Variants in BTRC observed in about 807,000 individuals in gnomAD.
BTRC encodes the protein F-box/WD repeat-containing protein 1A.
BTRC carries 42 observed loss-of-function variants against 85.5 expected under a neutral mutation model. The ratio of observed to expected loss-of-function variants is 0.49; its 90% confidence interval spans 0.38 to 0.64. BTRC has a LOEUF of 0.64. Among genes scored for constraint, BTRC ranks in the 30% least tolerant of loss-of-function variants. The pLI, the probability that BTRC is intolerant of heterozygous loss-of-function variation, is 0.00. For synonymous variants in BTRC, 255 were observed against 263.3 expected (o/e 0.97, Z 0.30); for missense variants, 594 against 743.5 (o/e 0.80, Z 2.34).
chr10:101,442,128 A>T (rs7097973), intron 2 of BTRC, among the ~76,000 whole-genome samples: 44,976 of 152,022 alleles, frequency 0.3, 7,962 homozygotes, highest in Middle Eastern at 0.47. Context: ...GGCATATCAG[A>T]GTGGCACAGG....
At chr10:101,401,777 G>T (rs1231785806) in intron 1 of BTRC, among the ~76,000 whole-genome samples, 1 of 150,374 alleles carries the variant, frequency 6.7e-6, no homozygotes, top group East Asian at 1.9e-4. Context: ...GTTTGAGGCT[G>T]CAGTGAGCTA....
At chr10:101,504,649 C>T (rs772137132) in intron 4 of BTRC, among the ~76,000 whole-genome samples, 2 of 151,768 alleles carry the variant, frequency 1.3e-5, no homozygotes, top group Non-Finnish European at 2.9e-5. Context: ...CCTTGCGTTC[C>T]TCCTTCTGCT....
rs1213007916 is a variant in BTRC, at chr10:101,367,037, TATATAA to T, written c.48+12815_48+12820del. Among the ~76,000 whole-genome samples, 34 of 65,236 alleles carry T rather than the reference TATATAA, an allele frequency of 5.2e-4. 1 individual carries two copies. The highest frequency in any genetic ancestry group is 1.7e-3 in the African/African-American group (34 of 19,994). 42.8% of individuals were successfully genotyped at this position (65,236 alleles called of 152,430 possible). ...ATATATTTATATTTATATATTTATATATATAAATATATATATATATAAATATAAATA... is the reference window on the plus strand; with the variant it reads ...ATATATTTATATTTATATATTTATATATATATATATATATAAATATAAATA... On this transcript the variant is annotated intron_variant, in intron 1 of 14. Coordinates refer to ENST00000370187, the MANE Select transcript of BTRC (RefSeq NM_033637.4).
chr10:101,516,267 A>C (rs550215813), intron 4 of BTRC, among the ~76,000 whole-genome samples: 5 of 152,294 alleles, frequency 3.3e-5, no homozygotes, highest in Non-Finnish European at 7.4e-5. Context: ...TGTTCCTTAC[A>C]AAAACCCAAT....
chr10:101,550,989 T>G, intron 14 of BTRC, 98 bp downstream of exon 14: 3 of 1,139,434 alleles, frequency 2.6e-6, no homozygotes, highest in Non-Finnish European at 2.5e-6. Context: ...GCCGTTTGGG[T>G]CACCAACTCC....
intron 3 of BTRC, among the ~76,000 whole-genome samples, chr10:101,463,020 A>G (rs890336281): frequency 1.4e-5 from 2 of 144,574 alleles, no homozygotes; most frequent in Admixed American, 1.4e-4. Context: ...GGTGCCTGCC[A>G]CCATGCCTGG....
rs1943197668 is a variant in BTRC, at chr10:101,390,087, C to G, written c.48+35859C>G. 2.6e-5 allele frequency among the ~76,000 whole-genome samples: 4 copies of G among 152,100 alleles called. No homozygotes were observed. In the South Asian group the frequency reaches 8.3e-4, roughly 31 times the overall value. ...TTTCCTTATTTGTCTATTATTTCTA[C>G]TAGAAAAGAAAATAAAGCCCATGAT... On this transcript the variant is annotated intron_variant, in intron 1 of 14. Transcript: ENST00000370187.
chr10:101,381,902 T>C (rs1942938223), intron 1 of BTRC, among the ~76,000 whole-genome samples: 1 of 149,024 alleles, frequency 6.7e-6, no homozygotes. Context: ...TGATCACTGA[T>C]AACCTTTTAT....
intron 1 of BTRC, among the ~76,000 whole-genome samples, chr10:101,359,572 C>T (rs539617377): frequency 6.6e-5 from 10 of 151,572 alleles, no homozygotes; most frequent in South Asian, 2.1e-4. Flanking sequence ...GAATTACAGG[C>T]GTGTACCACC....
intron 13 of BTRC, among the ~76,000 whole-genome samples, chr10:101,538,775 C>T (rs1268501784): frequency 1.3e-5 from 2 of 152,066 alleles, no homozygotes; most frequent in African/African-American, 2.4e-5. Flanking sequence ...GGGCCGGGTG[C>T]GGTGGCTCAT....
intron 1 of BTRC, among the ~76,000 whole-genome samples, chr10:101,394,196 T>C (rs1943306725): frequency 1.3e-5 from 2 of 152,224 alleles, no homozygotes; most frequent in South Asian, 2.1e-4. Flanking sequence ...TGGTAATTAA[T>C]TTTTTATGAT....
At chr10:101,403,411 TA>T (rs1239284750) in intron 1 of BTRC, among the ~76,000 whole-genome samples, 1 of 152,224 alleles carries the variant, frequency 6.6e-6, no homozygotes, top group Admixed American at 6.5e-5. Flanking sequence ...AGTCATGGTG[TA>T]TATTCCTTTT....
At chr10:101,488,055 G>T (rs1295566682) in intron 4 of BTRC, among the ~76,000 whole-genome samples, 9 of 152,064 alleles carry the variant, frequency 5.9e-5, no homozygotes, top group Non-Finnish European at 1.0e-4. Flanking sequence ...CTTTGGCATT[G>T]TACTCTGGGT....
chr10:101,524,909 C>T (rs944776271), intron 5 of BTRC, among the ~76,000 whole-genome samples: 3 of 152,126 alleles, frequency 2.0e-5, no homozygotes, highest in African/African-American at 7.2e-5. Context: ...GACTGATATC[C>T]ATACAATCTT....
At chr10:101,466,345 G>A (rs1249598187) in intron 3 of BTRC, among the ~76,000 whole-genome samples, 1 of 152,176 alleles carries the variant, frequency 6.6e-6, no homozygotes, top group African/African-American at 2.4e-5. Context: ...AGGTTTTTCT[G>A]TATTCTTTCT....
intron 3 of BTRC, among the ~76,000 whole-genome samples, chr10:101,470,329 CTTTT>C (rs950644281): frequency 2.1e-5 from 2 of 94,930 alleles, no homozygotes. Flanking sequence ...ATTTTTCTTT[CTTTT>C]TTTTTTTTTT....
chr10:101,472,196 ATTTC>A (rs1945542913), intron 3 of BTRC, among the ~76,000 whole-genome samples: 1 of 151,808 alleles, frequency 6.6e-6, no homozygotes, highest in Non-Finnish European at 1.5e-5. Context: ...TTTGTTCTAG[ATTTC>A]TTTCTTTCCA....
chr10:101,472,165 T>C (rs1945542167), intron 3 of BTRC, among the ~76,000 whole-genome samples: 1 of 152,236 alleles, frequency 6.6e-6, no homozygotes, highest in Non-Finnish European at 1.5e-5. Context: ...ATAACTCCAA[T>C]TCTAATTCAA....
At chr10:101,489,974 T>G (rs1398365783) in intron 4 of BTRC, among the ~76,000 whole-genome samples, 2 of 152,186 alleles carry the variant, frequency 1.3e-5, no homozygotes, top group African/African-American at 4.8e-5. Flanking sequence ...TAAGTTCACC[T>G]TGGAGAAATT....
Sources: gnomAD v4.1 joint callset for allele counts (sites outside exome capture counted in the v4.1 genomes callset) on GRCh38, gnomAD v4.1.1 for gene constraint, MANE v1.5 for transcripts, NCBI Gene and HGNC (gene_info 2026-07-23, HGNC 2026-07-21) for gene names.